PTPRT: variants seen among roughly 807,000 people sequenced by gnomAD.
PTPRT encodes receptor-type tyrosine-protein phosphatase T.
Under a neutral mutation model 176.8 loss-of-function variants are expected in PTPRT, and 56 were observed. The ratio of observed to expected loss-of-function variants is 0.32; its 90% CI spans 0.26 to 0.40. The LOEUF (loss-of-function observed/expected upper bound fraction) is 0.40. Ranked by LOEUF, PTPRT falls within the 10% of genes least tolerant of loss-of-function variation. The probability of loss-of-function intolerance (pLI) is 1.00; values close to 1 mark genes in which losing one functional copy is unlikely to be tolerated. For synonymous variants in PTPRT, 783 were observed against 739.0 expected, an observed-to-expected ratio of 1.06 and a Z score of -0.96; for missense variants, 1,540 against 1,908.2, an observed-to-expected ratio of 0.81 and a Z score of 3.60.
chr20:43,189,556 A>T lies in PTPRT; in HGVS notation c.88+90T>A, dbSNP rs2015486104. ...GACCCGCGCCCCCGCGAGCCCACAC[A>T]ACTTTCTCCTCCGAGGGCCCCGCGG... On this transcript the variant is annotated intron_variant, in intron 1 of 30. Coordinates refer to ENST00000373187, the MANE Select transcript of PTPRT (RefSeq NM_007050.6). This position sits in a 1 kb window ranked among gnomAD's most constrained non-coding sequence, Gnocchi z 5.0. 1 of 879,372 alleles carries T rather than the reference A, an allele frequency of 1.1e-6. No homozygotes were observed. The highest frequency in any genetic ancestry group is 1.5e-6 in the Non-Finnish European group (1 of 684,560). 54.5% of individuals were successfully genotyped at this position (879,372 alleles called of 1,614,324 possible). A position where few individuals can be genotyped will look rare whatever the true frequency, so the allele number is the denominator to read the frequency against.
intron 13 of PTPRT, among the ~76,000 whole-genome samples, chr20:42,254,558 G>A (rs2056605188): frequency 6.6e-6 from 1 of 152,204 alleles, no homozygotes; most frequent in Non-Finnish European, 1.5e-5. Flanking sequence ...AAGGGCCATT[G>A]TGGAAGGTGG....
At chr20:43,170,692 TC>T (rs2014975942) in intron 1 of PTPRT, among the ~76,000 whole-genome samples, 1 of 152,200 alleles carries the variant, frequency 6.6e-6, no homozygotes, top group South Asian at 2.1e-4. Context: ...GTAGAATTAT[TC>T]CCATTGACAG....
intron 2 of PTPRT, among the ~76,000 whole-genome samples, chr20:42,881,947 T>C (rs1157704668): frequency 2.6e-5 from 4 of 152,080 alleles, no homozygotes; most frequent in Non-Finnish European, 5.9e-5. Flanking sequence ...CATTGGATCA[T>C]GCAGGATCTT....
intron 15 of PTPRT, among the ~76,000 whole-genome samples, chr20:42,235,632 C>T (rs2146855465): frequency 6.6e-6 from 1 of 152,242 alleles, no homozygotes; most frequent in South Asian, 2.1e-4. Flanking sequence ...AAGCACCCAT[C>T]TATAACTCCC....
At chr20:42,870,595 T>C (rs1048373545) in intron 2 of PTPRT, among the ~76,000 whole-genome samples, 6 of 152,254 alleles carry the variant, frequency 3.9e-5, no homozygotes, top group African/African-American at 9.6e-5. Context: ...TAGTTGGCTA[T>C]AGCTTCTAGG....
intron 6 of PTPRT, among the ~76,000 whole-genome samples, chr20:42,739,638 A>G (rs1306957414): frequency 6.6e-6 from 1 of 152,220 alleles, no homozygotes; most frequent in Non-Finnish European, 1.5e-5. Flanking sequence ...TCTGAAATAG[A>G]CATAGATAAC....
chr20:42,602,037 T>C (rs1263062062), intron 7 of PTPRT, among the ~76,000 whole-genome samples: 30 of 152,174 alleles, frequency 2.0e-4, no homozygotes, highest in Non-Finnish European at 1.2e-4. Flanking sequence ...CCAGAAATAA[T>C]ACAGGGCTCC....
chr20:42,173,318 T>G (rs966951382), intron 16 of PTPRT, among the ~76,000 whole-genome samples: 4 of 152,146 alleles, frequency 2.6e-5, no homozygotes, highest in African/African-American at 7.2e-5. Flanking sequence ...AAGGGTTTTG[T>G]GCATGTCATG....
chr20:42,438,764 C>G (rs1568879470), intron 9 of PTPRT, among the ~76,000 whole-genome samples: 1 of 152,190 alleles, frequency 6.6e-6, no homozygotes, highest in African/African-American at 2.4e-5. Context: ...GAAAACCTCA[C>G]TGGCAGGACA....
At chr20:42,608,133 C>T (rs1279868160) in intron 7 of PTPRT, among the ~76,000 whole-genome samples, 2 of 152,150 alleles carry the variant, frequency 1.3e-5, no homozygotes, top group East Asian at 3.9e-4. Context: ...AGACTCCAGG[C>T]TCCAAGGCCC....
intron 17 of PTPRT, among the ~76,000 whole-genome samples, chr20:42,143,673 A>C (rs1426338672): frequency 6.6e-6 from 1 of 152,136 alleles, no homozygotes; most frequent in Non-Finnish European, 1.5e-5. Context: ...TGTTCAGTTG[A>C]ATGTTGTTGA....
chr20:42,296,125 A>G (rs373867945), intron 12 of PTPRT, among the ~76,000 whole-genome samples: 2 of 152,240 alleles, frequency 1.3e-5, no homozygotes, highest in African/African-American at 2.4e-5. Flanking sequence ...CCAGATAGCA[A>G]AAGATTAAAC....
At chr20:42,359,108 C>T (rs1472696621) in intron 9 of PTPRT, among the ~76,000 whole-genome samples, 1 of 152,162 alleles carries the variant, frequency 6.6e-6, no homozygotes, top group Non-Finnish European at 1.5e-5. Context: ...TATCCCAGAC[C>T]TCCTGATCAG....
chr20:42,583,941 C>T (rs2073424844), intron 7 of PTPRT, among the ~76,000 whole-genome samples: 1 of 152,142 alleles, frequency 6.6e-6, no homozygotes. Flanking sequence ...CCAGCCAATT[C>T]TAGATTTGAG....
Position 42,730,850 on chromosome 20 carries a change from G to T in PTPRT, c.859+25612C>A, listed in dbSNP as rs369723086. On this transcript the variant is annotated intron_variant, in intron 6 of 30. Coordinates refer to ENST00000373187, the MANE Select transcript of PTPRT (RefSeq NM_007050.6). ...TCTAAAGGAGCATCCCAGCTCCTGGGTTCTCCCACAGGGTTGACTGATCCC... is the reference window on the plus strand; with the variant it reads ...TCTAAAGGAGCATCCCAGCTCCTGGTTTCTCCCACAGGGTTGACTGATCCC... Among the ~76,000 whole-genome samples, 36 of 152,276 alleles carry T rather than the reference G, an allele frequency of 2.4e-4. No individual in the cohort carries two copies. In the East Asian group the frequency reaches 4.8e-3, roughly 20 times the overall value.
At chr20:42,750,893 T>C (rs559104270) in intron 6 of PTPRT, among the ~76,000 whole-genome samples, 4 of 152,288 alleles carry the variant, frequency 2.6e-5, no homozygotes, top group African/African-American at 7.2e-5. Context: ...GGCCGAATTG[T>C]CAATTGAGCG....
intron 17 of PTPRT, among the ~76,000 whole-genome samples, chr20:42,153,494 G>A (rs753256695): frequency 2.0e-4 from 31 of 152,034 alleles, no homozygotes; most frequent in Non-Finnish European, 4.3e-4. Flanking sequence ...CACTTGGTTG[G>A]GGGAGATCCT....
intron 7 of PTPRT, 92 bp from the exon 8 acceptor site, chr20:42,472,654 C>A: frequency 7.9e-7 from 1 of 1,271,072 alleles, no homozygotes; most frequent in Non-Finnish European, 1.1e-6. Context: ...CACAGCTTTT[C>A]CAAACATATC....
chr20:42,851,686 G>A (rs1372031890), intron 2 of PTPRT, among the ~76,000 whole-genome samples: 1 of 152,196 alleles, frequency 6.6e-6, no homozygotes, highest in African/African-American at 2.4e-5. Context: ...TTTTGGCTTT[G>A]CAACCATATC....
Sources: gnomAD v4.1 joint callset for allele counts (sites outside exome capture counted in the v4.1 genomes callset) on GRCh38, gnomAD v4.1.1 for gene constraint, Gnocchi (gnomAD v3.1) non-coding constraint, MANE v1.5 for transcripts, NCBI Gene and HGNC (gene_info 2026-07-23, HGNC 2026-07-21) for gene names.